The following PHACTR2 variants were observed in gnomAD, a reference collection of about 807,000 sequenced individuals.
PHACTR2 encodes the protein chromosome 6 open reading frame 56.
In PHACTR2, 30 loss-of-function variants were observed where a neutral mutation model predicts 76.0. That is an observed-to-expected ratio of 0.39 (90% CI 0.30 to 0.54). The LOEUF is 0.54. PHACTR2 is among the 20% of genes least tolerant of loss of function. PHACTR2 has a pLI of 0.61. For synonymous variants in PHACTR2, 292 were observed against 292.5 expected (o/e 1.00, Z 0.02); for missense variants, 696 against 781.1 (o/e 0.89, Z 1.30).
At chr6:143,714,835 CA>C in intron 2 of PHACTR2, among the ~76,000 whole-genome samples, 1 of 152,090 alleles carries the variant, frequency 6.6e-6, no homozygotes, top group East Asian at 1.9e-4. Flanking sequence ...TTTTCCCCTA[CA>C]TAATCATTTT....
At position 143,800,340 on chromosome 6, in the gene PHACTR2, C is replaced by G. The variant is rs1477432559; in HGVS notation, c.1846-6717C>G. 6.6e-6 allele frequency among the ~76,000 whole-genome samples: 1 copy of G among 152,122 alleles called. No individual in the cohort carries two copies. Among genetic ancestry groups the G allele is most frequent in the Non-Finnish European group, 1.5e-5 (1 of 68,020 alleles). On this transcript the variant is annotated intron_variant, in intron 11 of 12. Coordinates refer to ENST00000440869, the MANE Select transcript of PHACTR2 (RefSeq NM_001100164.2). This position sits in a 1 kb window ranked among gnomAD's most constrained non-coding sequence, Gnocchi z 4.8. ...GCAGTGGTGCAATCTCCGCTCACAG[C>G]AAGCTCCGCCTCCCAGGGTCACCCT...
chr6:143,829,607 CATT>C lies in PHACTR2; in HGVS notation c.*5923_*5925del, dbSNP rs367936604. 2.6e-3 allele frequency: 396 copies of C among 152,280 alleles called. 3 individuals are homozygous for C. The highest frequency in any genetic ancestry group is 9.1e-3 in the African/African-American group (379 of 41,544). The allele number at this position is 152,280 out of a possible 1,614,324, so 9.4% of individuals were successfully genotyped here. A position where few individuals can be genotyped will look rare whatever the true frequency, so the allele number is the denominator to read the frequency against. On this transcript the variant is annotated 3_prime_UTR_variant, in exon 13 of 13. Transcript: ENST00000440869. The stretch of plus-strand genomic sequence containing the variant: ...CAAGATGAGTTTTACTTAGGTGAAA[CATT>C]ATTAAACTGTACTAACAATACAGAA...
At position 143,760,300 on chromosome 6, in the gene PHACTR2, C is replaced by T; in HGVS notation, c.455-101C>T. 1 of 1,060,708 alleles carries T rather than the reference C, an allele frequency of 9.4e-7. No homozygotes were observed. Among genetic ancestry groups the T allele is most frequent in the Non-Finnish European group, 1.4e-6 (1 of 730,612 alleles). 65.7% of individuals were successfully genotyped at this position (1,060,708 alleles called of 1,614,324 possible). On this transcript the variant is annotated intron_variant, in intron 4 of 12. Coordinates refer to ENST00000440869, the MANE Select transcript of PHACTR2 (RefSeq NM_001100164.2). This position sits in a 1 kb window ranked among gnomAD's most constrained non-coding sequence, Gnocchi z 6.4. ...GAACTCCATGCTGATTCTCAAGTAC[C>T]AAGCAGACACGCTTTGTGTCACTAT...
chr6:143,577,427 C>G (rs1250822198), intron 1 of PHACTR2, among the ~76,000 whole-genome samples: 1 of 151,918 alleles, frequency 6.6e-6, no homozygotes, highest in African/African-American at 2.4e-5. Flanking sequence ...TCAGGAGAGG[C>G]TTTGTGAGAA....
intron 1 of PHACTR2, among the ~76,000 whole-genome samples, chr6:143,620,246 C>T (rs1287524703): frequency 6.6e-6 from 1 of 152,104 alleles, no homozygotes; most frequent in Non-Finnish European, 1.5e-5. Flanking sequence ...CCCTAATGCT[C>T]CATAAACAAA....
At chr6:143,737,883 A>C (rs1056699763) in intron 2 of PHACTR2, among the ~76,000 whole-genome samples, 12 of 152,336 alleles carry the variant, frequency 7.9e-5, no homozygotes, top group East Asian at 3.9e-4. Context: ...TGTGTAGGCA[A>C]GATGGTAGGT....
At chr6:143,771,706 G>A (rs907900761) in intron 6 of PHACTR2, among the ~76,000 whole-genome samples, 1 of 152,042 alleles carries the variant, frequency 6.6e-6, no homozygotes, top group African/African-American at 2.4e-5. Context: ...CAAAGTGCTG[G>A]AGTTACAGGT....
chr6:143,559,378 A>T (rs1015371251), intron 1 of PHACTR2, among the ~76,000 whole-genome samples: 1 of 152,206 alleles, frequency 6.6e-6, no homozygotes, highest in African/African-American at 2.4e-5. Context: ...CCTACTGAGG[A>T]AATATCAGGA....
In PHACTR2 at chr6:143,597,331, C is replaced by T. The variant is rs917334515; in HGVS notation, c.217+60124C>T. Among the ~76,000 whole-genome samples the T allele has an allele frequency of 2.0e-5, 3 of 152,084 alleles. No homozygotes were observed. Among genetic ancestry groups the T allele is most frequent in the Admixed American group, 1.3e-4 (2 of 15,278 alleles). ...TGCTTTTTTGCCTTGAGCAGTTGTA[C>T]GGAAACATAATACTGGCTTCCAGGT... On this transcript the variant is annotated intron_variant, in intron 1 of 11. Transcript: ENST00000367584. The surrounding 1 kb of genome is among the most constrained non-coding windows in gnomAD (Gnocchi z 5.7).
chr6:143,643,908 C>T (rs1776609066), intron 1 of PHACTR2, among the ~76,000 whole-genome samples: 1 of 152,112 alleles, frequency 6.6e-6, no homozygotes, highest in African/African-American at 2.4e-5. Context: ...CTTTGCACCT[C>T]ATGTGATGTT....
intron 1 of PHACTR2, among the ~76,000 whole-genome samples, chr6:143,573,752 G>A (rs1775474571): frequency 1.3e-5 from 2 of 152,134 alleles, no homozygotes; most frequent in South Asian, 4.2e-4. Context: ...CCTTGAAACT[G>A]TGGACTAAAT....
In PHACTR2 at chr6:143,591,297, G is replaced by T. The variant is rs1775690340; in HGVS notation, c.217+54090G>T. On this transcript the variant is annotated intron_variant, in intron 1 of 11. Coordinates refer to the PHACTR2 transcript ENST00000367584. This position sits in a 1 kb window ranked among gnomAD's most constrained non-coding sequence, Gnocchi z 6.4. Reference sequence around the variant, plus strand: ...GGAAGAATTCTTTAGAGATAAGCATGGAGGTGGGCCATTCCAGGGTACATT... The same window carrying T: ...GGAAGAATTCTTTAGAGATAAGCATTGAGGTGGGCCATTCCAGGGTACATT... Among the ~76,000 whole-genome samples the T allele has an allele frequency of 6.6e-6, 1 of 152,202 alleles. No individual in the cohort carries two copies. The highest frequency in any genetic ancestry group is 2.1e-4 in the South Asian group (1 of 4,832).
chr6:143,825,249 T>C lies in PHACTR2; in HGVS notation c.*1560T>C, dbSNP rs959415545. 2 of 152,244 alleles carry C rather than the reference T, an allele frequency of 1.3e-5. No homozygotes were observed. Among genetic ancestry groups the C allele is most frequent in the African/African-American group, 4.8e-5 (2 of 41,448 alleles). The allele number at this position is 152,244 out of a possible 1,614,324, so 9.4% of individuals were successfully genotyped here. A position where few individuals can be genotyped will look rare whatever the true frequency, so the allele number is the denominator to read the frequency against. ...ATGTTTCTGGTTCAAGACTGTCATT[T>C]TCTATTTCAACCGAAAAGTAAGCAT... is the stretch of plus-strand genomic sequence containing the variant. On this transcript the variant is annotated 3_prime_UTR_variant, in exon 13 of 13. Transcript: ENST00000440869. The surrounding 1 kb of genome is among the most constrained non-coding windows in gnomAD (Gnocchi z 4.1).
At position 143,800,091 on chromosome 6, in the gene PHACTR2, T is replaced by A. The variant is rs1364352229; in HGVS notation, c.1846-6966T>A. Among the ~76,000 whole-genome samples, 2 of 152,194 alleles carry A rather than the reference T, an allele frequency of 1.3e-5. No homozygotes were observed. The highest frequency in any genetic ancestry group is 2.9e-5 in the Non-Finnish European group (2 of 68,042). ...GTACTGGATGCATATATATTTAGGA[T>A]AGTTAACTCTTTTTGTTGAATTGAT... On this transcript the variant is annotated intron_variant, in intron 11 of 12. Transcript: ENST00000440869. The surrounding 1 kb of genome is among the most constrained non-coding windows in gnomAD (Gnocchi z 4.8).
chr6:143,676,085 G>A (rs1362196956), upstream of PHACTR2, among the ~76,000 whole-genome samples: 1 of 152,190 alleles, frequency 6.6e-6, no homozygotes. This position sits in a 1 kb window ranked among gnomAD's most constrained non-coding sequence, Gnocchi z 4.8. Flanking sequence ...AAAACTTAGT[G>A]CACACTTCCT....
In PHACTR2 at chr6:143,709,426, TTGTC is replaced by T. The variant is rs1582795904; in HGVS notation, c.47-2584_47-2581del. 1.3e-5 allele frequency among the ~76,000 whole-genome samples: 2 copies of T among 152,318 alleles called. No homozygotes were observed. Among genetic ancestry groups the T allele is most frequent in the East Asian group, 1.9e-4 (1 of 5,182 alleles). On this transcript the variant is annotated intron_variant, in intron 1 of 12. Coordinates refer to ENST00000440869, the MANE Select transcript of PHACTR2 (RefSeq NM_001100164.2). The surrounding 1 kb of genome is among the most constrained non-coding windows in gnomAD (Gnocchi z 4.4). ...GGATTTAGGAAGTGGCATCTATTGA[TTGTC>T]TGTCTTCATTCAGTTTGAGATTTTC...
rs1776906376 is a variant in PHACTR2, at chr6:143,659,311, G to T, written c.13+50989G>T. 6.6e-6 allele frequency among the ~76,000 whole-genome samples: 1 copy of T among 151,732 alleles called. No individual in the cohort carries two copies. Among genetic ancestry groups the T allele is most frequent in the African/African-American group, 2.4e-5 (1 of 41,268 alleles). On this transcript the variant is annotated intron_variant, in intron 1 of 11. Coordinates refer to the PHACTR2 transcript ENST00000305766. The surrounding 1 kb of genome is among the most constrained non-coding windows in gnomAD (Gnocchi z 5.0). ...ATTTTTTAAACTTTTTTACTGTTTT[G>T]TAGCAACACGTAGCTTAAGACACAA...
intron 1 of PHACTR2, among the ~76,000 whole-genome samples, chr6:143,629,051 C>T (rs1174227718): frequency 6.7e-6 from 1 of 148,550 alleles, no homozygotes; most frequent in African/African-American, 2.5e-5. Flanking sequence ...GTTCAAGTCA[C>T]ATGTTCAGTA....
rs117206897 is a variant in PHACTR2 at position 143,699,682 on chromosome 6, G to C, written c.47-12334G>C. Among the ~76,000 whole-genome samples, 9 of 152,240 alleles carry C rather than the reference G, an allele frequency of 5.9e-5. No individual in the cohort carries two copies. The East Asian group carries it at 1.7e-3, about 29-fold the overall frequency. On this transcript the variant is annotated intron_variant, in intron 1 of 12. Coordinates refer to ENST00000440869, the MANE Select transcript of PHACTR2 (RefSeq NM_001100164.2). The stretch of plus-strand genomic sequence containing the variant: ...TCTCCTCCAAATCTTCTCTCTTCTT[G>C]ACATCCAGCCATACCCTTGTAGAGG...
Sources: gnomAD v4.1 joint callset for allele counts (sites outside exome capture counted in the v4.1 genomes callset) on GRCh38, gnomAD v4.1.1 for gene constraint, Gnocchi (gnomAD v3.1) non-coding constraint, MANE v1.5 for transcripts, NCBI Gene and HGNC (gene_info 2026-07-23, HGNC 2026-07-21) for gene names.